CAMKMT: variants seen among roughly 807,000 people sequenced by gnomAD.
CAMKMT encodes the protein CaM KMT.
A neutral mutation model predicts 48.0 loss-of-function variants in CAMKMT; 53 were observed. That is an observed-to-expected ratio of 1.10 (90% CI 0.89 to 1.39). The LOEUF (loss-of-function observed/expected upper bound fraction) is 1.39, where lower values mean the gene tolerates loss of function less well. Ranked by LOEUF, CAMKMT falls within the 40% of genes most tolerant of loss-of-function variation. The pLI is 0.00. For synonymous variants in CAMKMT, 165 were observed against 152.3 expected (o/e 1.08, Z -0.61); for missense variants, 428 against 402.7 (o/e 1.06, Z -0.54).
At chr2:44,467,142 T>C (rs1668158807) in intron 3 of CAMKMT, among the ~76,000 whole-genome samples, 1 of 152,026 alleles carries the variant, frequency 6.6e-6, no homozygotes, top group Non-Finnish European at 1.5e-5. Context: ...CAGTCTCAGC[T>C]ACTCAGGAGG....
At chr2:44,487,549 T>C (rs1669272992) in intron 3 of CAMKMT, among the ~76,000 whole-genome samples, 1 of 152,242 alleles carries the variant, frequency 6.6e-6, no homozygotes, top group Admixed American at 6.5e-5. Flanking sequence ...GACTGATGTC[T>C]GTATCATACT....
chr2:44,457,832 C>T (rs569804861), intron 3 of CAMKMT, among the ~76,000 whole-genome samples: 2 of 152,198 alleles, frequency 1.3e-5, no homozygotes, highest in Admixed American at 6.5e-5. Flanking sequence ...AACAGAAATT[C>T]CAGATGTTAC....
At chr2:44,464,759 C>A (rs1376083121) in intron 3 of CAMKMT, among the ~76,000 whole-genome samples, 1 of 152,070 alleles carries the variant, frequency 6.6e-6, no homozygotes, top group South Asian at 2.1e-4. Flanking sequence ...GAAATAAAGA[C>A]CTTCTTGGAT....
intron 3 of CAMKMT, among the ~76,000 whole-genome samples, chr2:44,671,974 A>G (rs73924523): frequency 3.9e-4 from 60 of 152,222 alleles, no homozygotes; most frequent in African/African-American, 1.4e-3. Flanking sequence ...TACTGTGATT[A>G]ATATACTTTT....
chr2:44,622,468 C>G (rs555327161), intron 3 of CAMKMT, among the ~76,000 whole-genome samples: 1 of 152,168 alleles, frequency 6.6e-6, no homozygotes, highest in Non-Finnish European at 1.5e-5. Flanking sequence ...GTACCTAATA[C>G]GCAGTTTTTC....
intron 3 of CAMKMT, among the ~76,000 whole-genome samples, chr2:44,576,579 A>G (rs1054475221): frequency 6.6e-6 from 1 of 152,208 alleles, no homozygotes; most frequent in Non-Finnish European, 1.5e-5. Context: ...ATGAGGGTCC[A>G]GCGTGAATGT....
At chr2:44,449,910 A>G (rs1433087562) in intron 3 of CAMKMT, among the ~76,000 whole-genome samples, 1 of 152,140 alleles carries the variant, frequency 6.6e-6, no homozygotes, top group African/African-American at 2.4e-5. Flanking sequence ...TCCTTTTATG[A>G]TCACTATAAC....
intron 3 of CAMKMT, among the ~76,000 whole-genome samples, chr2:44,581,178 T>C (rs749741213): frequency 8.5e-5 from 13 of 152,206 alleles, no homozygotes; most frequent in Non-Finnish European, 1.2e-4. Context: ...GATTACCTTT[T>C]CTGAATTTGT....
chr2:44,523,479 G>A (rs1019935549), intron 3 of CAMKMT, among the ~76,000 whole-genome samples: 2 of 151,768 alleles, frequency 1.3e-5, no homozygotes, highest in Non-Finnish European at 2.9e-5. Context: ...TTTTTTTGTA[G>A]AGAAAGAGTT....
chr2:44,424,827 T>G (rs1369379948), intron 3 of CAMKMT, among the ~76,000 whole-genome samples: 1 of 152,030 alleles, frequency 6.6e-6, no homozygotes, highest in Non-Finnish European at 1.5e-5. Context: ...ACTGCTCGGG[T>G]GATGGGTGTG....
At chr2:44,615,844 A>C (rs1437291944) in intron 3 of CAMKMT, among the ~76,000 whole-genome samples, 3 of 152,278 alleles carry the variant, frequency 2.0e-5, no homozygotes, top group South Asian at 4.2e-4. Context: ...AGAGATGCCA[A>C]CTGTGCAGTT....
intron 3 of CAMKMT, among the ~76,000 whole-genome samples, chr2:44,426,160 G>C: frequency 6.6e-6 from 1 of 152,250 alleles, no homozygotes; most frequent in Middle Eastern, 3.4e-3. Context: ...CTAAAACATA[G>C]TTTAAATATT....
intron 7 of CAMKMT, among the ~76,000 whole-genome samples, chr2:44,731,090 C>T (rs528731557): frequency 2.0e-5 from 3 of 152,342 alleles, no homozygotes; most frequent in African/African-American, 7.2e-5. Context: ...CCTGTAATCC[C>T]AGCACTTTGG....
At chr2:44,679,524 G>A (rs1235217068) in intron 3 of CAMKMT, among the ~76,000 whole-genome samples, 2 of 152,184 alleles carry the variant, frequency 1.3e-5, no homozygotes, top group South Asian at 2.1e-4. Context: ...CATTCTCCAC[G>A]AGGGGAAAGA....
At chr2:44,658,698 TA>T (rs1329384301) in intron 3 of CAMKMT, among the ~76,000 whole-genome samples, 10 of 152,186 alleles carry the variant, frequency 6.6e-5, no homozygotes, top group Admixed American at 1.3e-4. Context: ...TCCACAAGAT[TA>T]CTATTGCATT....
intron 3 of CAMKMT, among the ~76,000 whole-genome samples, chr2:44,491,152 A>G (rs1386744393): frequency 4.3e-3 from 38 of 8,782 alleles, no homozygotes; most frequent in African/African-American, 0.011. Context: ...CCTTGTCTCA[A>G]AAAAAAAAAA....
intron 3 of CAMKMT, among the ~76,000 whole-genome samples, chr2:44,439,885 T>C (rs1666537540): frequency 6.6e-6 from 1 of 152,088 alleles, no homozygotes; most frequent in Non-Finnish European, 1.5e-5. Flanking sequence ...CCAGGGCTTA[T>C]GAATGCTATA....
At chr2:44,697,881 AAC>A (rs1677041190) in intron 3 of CAMKMT, among the ~76,000 whole-genome samples, 1 of 152,154 alleles carries the variant, frequency 6.6e-6, no homozygotes. Context: ...TAGAAATATA[AAC>A]ACAATTACCA....
chr2:44,636,026 A>G (rs1180064226), intron 3 of CAMKMT, among the ~76,000 whole-genome samples: 1 of 152,208 alleles, frequency 6.6e-6, no homozygotes, highest in Non-Finnish European at 1.5e-5. Flanking sequence ...AAAAACACAA[A>G]ACCAAAGAAG....
Sources: allele counts gnomAD v4.1 joint callset (sites outside exome capture counted in the v4.1 genomes callset), GRCh38; gene constraint gnomAD v4.1.1; transcripts MANE v1.5; gene names NCBI Gene and HGNC (gene_info 2026-07-23, HGNC 2026-07-21).